The following ST7L variants were observed in gnomAD, a reference collection of about 807,000 sequenced individuals.
The protein encoded by ST7L is suppression of tumorigenicity 7 like.
In ST7L, 57 loss-of-function variants were observed where a neutral mutation model predicts 72.5. The observed-to-expected ratio is 0.79, with a 90% confidence interval of 0.64 to 0.98. The LOEUF is 0.98. Among genes scored for constraint, ST7L ranks in the 50% least tolerant of loss-of-function variants. The pLI is 0.00. For synonymous variants in ST7L, 221 were observed against 240.9 expected, an observed-to-expected ratio of 0.92 and a Z score of 0.77; for missense variants, 576 against 672.2, an observed-to-expected ratio of 0.86 and a Z score of 1.58.
chr1:112,547,158 T>C (rs570547074), intron 13 of ST7L, among the ~76,000 whole-genome samples: 4 of 151,764 alleles, frequency 2.6e-5, no homozygotes, highest in African/African-American at 9.6e-5. Context: ...ACCTCCTAGA[T>C]AGCTAGGCCC....
At chr1:112,605,374 C>T (rs1668069273) in intron 3 of ST7L, among the ~76,000 whole-genome samples, 1 of 151,626 alleles carries the variant, frequency 6.6e-6, no homozygotes, top group South Asian at 2.1e-4. Context: ...GCCTGGGCGA[C>T]AGAGTGAGAC....
At chr1:112,568,861 A>ATATATATAG (rs1661536936) in intron 11 of ST7L, among the ~76,000 whole-genome samples, 1 of 114,918 alleles carries the variant, frequency 8.7e-6, no homozygotes, top group African/African-American at 3.5e-5. Flanking sequence ...TATAAATATA[A>ATATATATAG]ATATATATAT....
At chr1:112,533,464 G>A (rs915854212) in intron 14 of ST7L, among the ~76,000 whole-genome samples, 3 of 151,856 alleles carry the variant, frequency 2.0e-5, no homozygotes, top group South Asian at 2.1e-4. Context: ...GACTACAGGC[G>A]CGCCACCACG....
At chr1:112,548,568 T>C (rs533513751) in intron 13 of ST7L, among the ~76,000 whole-genome samples, 2 of 152,366 alleles carry the variant, frequency 1.3e-5, no homozygotes, top group African/African-American at 4.8e-5. Flanking sequence ...TTTAAACTTA[T>C]CAACTAGTTA....
At chr1:112,605,556 GGC>G in intron 3 of ST7L, among the ~76,000 whole-genome samples, 1 of 151,380 alleles carries the variant, frequency 6.6e-6, no homozygotes, top group Non-Finnish European at 1.5e-5. Flanking sequence ...CAGGCGTGGT[GGC>G]GCATGCCTGT....
chr1:112,593,611 G>A (rs1199383612), intron 5 of ST7L, among the ~76,000 whole-genome samples: 1 of 152,084 alleles, frequency 6.6e-6, no homozygotes, highest in Non-Finnish European at 1.5e-5. Flanking sequence ...TTACTGTCAA[G>A]TGTAAATTCA....
chr1:112,602,939 T>C (rs954356557), intron 3 of ST7L, among the ~76,000 whole-genome samples: 8 of 151,908 alleles, frequency 5.3e-5, no homozygotes, highest in Non-Finnish European at 1.2e-4. Context: ...AGGATGGTCT[T>C]GATCTGCTGA....
At chr1:112,602,083 CAAAAAAAAAAA>C (rs71584754) in intron 3 of ST7L, among the ~76,000 whole-genome samples, 3 of 89,060 alleles carry the variant, frequency 3.4e-5, no homozygotes. Context: ...AAACTCCATC[CAAAAAAAAAAA>C]AAAAAAAAAG....
intron 2 of ST7L, among the ~76,000 whole-genome samples, chr1:112,616,068 T>C (rs186064463): frequency 5.3e-5 from 8 of 152,166 alleles, no homozygotes; most frequent in African/African-American, 1.2e-4. Flanking sequence ...ATTTGAAAAA[T>C]TGAAAAACCT....
chr1:112,568,865 T>TATATATAA (rs1553247589), intron 11 of ST7L, among the ~76,000 whole-genome samples: 54 of 91,178 alleles, frequency 5.9e-4, no homozygotes, highest in African/African-American at 1.9e-3. Flanking sequence ...AATATAAATA[T>TATATATAA]ATATATATAT....
intron 13 of ST7L, among the ~76,000 whole-genome samples, chr1:112,546,293 T>A (rs1314764758): frequency 7.4e-6 from 1 of 134,748 alleles, no homozygotes; most frequent in Admixed American, 8.4e-5. Context: ...CATTCCAGCC[T>A]GAGTGACAGT....
In ST7L at chr1:112,547,561, C is replaced by CTT. The variant is rs59755766; in HGVS notation, c.1489+3038_1489+3039dup. On this transcript the variant is annotated intron_variant, in intron 13 of 14. Coordinates refer to ENST00000358039, the MANE Select transcript of ST7L (RefSeq NM_017744.5). ...ACACATTGTCTGTCATCTTTGTCATCTTTTTTTTTTTTTTTTTTTTTTTTT... is the reference window on the plus strand; with the variant it reads ...ACACATTGTCTGTCATCTTTGTCATCTTTTTTTTTTTTTTTTTTTTTTTTTTT... Among the ~76,000 whole-genome samples the CTT allele has an allele frequency of 4.9e-3, 305 of 62,040 alleles. 64 individuals are homozygous for CTT. The highest frequency in any genetic ancestry group is 0.018 in the East Asian group (29 of 1,570). 40.7% of individuals were successfully genotyped at this position (62,040 alleles called of 152,430 possible). A position where few individuals can be genotyped will look rare whatever the true frequency, so the allele number is the denominator to read the frequency against.
At chr1:112,582,275 A>G in intron 8 of ST7L, 100 bp downstream of exon 8, 1 of 982,948 alleles carries the variant, frequency 1.0e-6, no homozygotes, top group Non-Finnish European at 1.5e-6. Flanking sequence ...AAAACTACCA[A>G]TTAAAATACA....
At position 112,534,253 on chromosome 1, in the gene ST7L, A is replaced by C. The variant is rs550962002; in HGVS notation, c.1629+7698T>G. On this transcript the variant is annotated intron_variant, in intron 14 of 14. Coordinates refer to ENST00000358039, the MANE Select transcript of ST7L (RefSeq NM_017744.5). ...CTCAGCATTACTATCTCTGGTATGA[A>C]ATTTATTCTTTTGTACTCATTTCAG... Among the ~76,000 whole-genome samples the C allele has an allele frequency of 2.6e-5, 4 of 152,290 alleles. No individual in the cohort carries two copies. The East Asian group carries it at 7.7e-4, about 29-fold the overall frequency.
At chr1:112,594,579 T>C (rs961582018) in intron 5 of ST7L, among the ~76,000 whole-genome samples, 1 of 152,122 alleles carries the variant, frequency 6.6e-6, no homozygotes, top group Non-Finnish European at 1.5e-5. Context: ...GTAATAAAGG[T>C]AGTGAAGCCT....
intron 3 of ST7L, among the ~76,000 whole-genome samples, chr1:112,604,110 C>A (rs1026210495): frequency 1.3e-5 from 2 of 152,070 alleles, no homozygotes; most frequent in Admixed American, 1.3e-4. Context: ...GAGTTTGAGA[C>A]CAGCCTAGTC....
chr1:112,571,349 T>C, intron 11 of ST7L: 2 of 456,250 alleles, frequency 4.4e-6, no homozygotes, highest in South Asian at 1.6e-5. Context: ...GGTAAATTTC[T>C]ACCTATAAAT....
chr1:112,563,608 A>G (rs1660511698), intron 11 of ST7L, among the ~76,000 whole-genome samples: 1 of 152,196 alleles, frequency 6.6e-6, no homozygotes, highest in Admixed American at 6.5e-5. Flanking sequence ...ACTAGCATTC[A>G]ACTATGAACA....
chr1:112,572,173 G>A (rs961491140), intron 11 of ST7L, among the ~76,000 whole-genome samples: 1 of 152,206 alleles, frequency 6.6e-6, no homozygotes, highest in Non-Finnish European at 1.5e-5. Flanking sequence ...TTTAAACCAT[G>A]CTATAAACAG....
Sources: gnomAD v4.1 joint callset for allele counts (sites outside exome capture counted in the v4.1 genomes callset) on GRCh38, gnomAD v4.1.1 for gene constraint, MANE v1.5 for transcripts, NCBI Gene and HGNC (gene_info 2026-07-23, HGNC 2026-07-21) for gene names.